MSH3: variants seen among roughly 807,000 people sequenced by gnomAD.
MSH3 encodes the protein mutS homolog 3.
MSH3 carries 106 observed loss-of-function variants against 123.3 expected under a neutral mutation model. The ratio of observed to expected loss-of-function variants is 0.86; its 90% CI spans 0.73 to 1.01. The LOEUF (loss-of-function observed/expected upper bound fraction) is 1.01. Among genes scored for constraint, MSH3 ranks in the 50% least tolerant of loss-of-function variants. MSH3 has a pLI of 0.00. For synonymous variants in MSH3, 515 were observed against 481.4 expected (o/e 1.07, Z -0.91); for missense variants, 1,459 against 1,347.6 (o/e 1.08, Z -1.29).
intron 7 of MSH3, among the ~76,000 whole-genome samples, chr5:80,675,705 GC>G (rs1437686799): frequency 6.6e-6 from 1 of 152,148 alleles, no homozygotes; most frequent in Admixed American, 6.5e-5. Flanking sequence ...AATACTCTAT[GC>G]TATGGAGAGA....
chr5:80,858,130 G>A (rs1326638208), intron 21 of MSH3, among the ~76,000 whole-genome samples: 2 of 151,734 alleles, frequency 1.3e-5, no homozygotes, highest in Non-Finnish European at 2.9e-5. Flanking sequence ...CTGCAACCTC[G>A]ACTCCCTGGG....
chr5:80,756,545 A>G (rs528074634), intron 12 of MSH3, among the ~76,000 whole-genome samples: 2 of 152,238 alleles, frequency 1.3e-5, no homozygotes, highest in Middle Eastern at 3.4e-3. Context: ...CTTTTACTCA[A>G]TAGCTACCCC....
At chr5:80,873,600 T>C (rs539125423) in intron 23 of MSH3, among the ~76,000 whole-genome samples, 2 of 152,332 alleles carry the variant, frequency 1.3e-5, no homozygotes, top group East Asian at 1.9e-4. Flanking sequence ...ACTGAAGATA[T>C]TGAGAACCTA....
intron 10 of MSH3, among the ~76,000 whole-genome samples, chr5:80,739,246 T>C (rs112594564): frequency 5.7e-4 from 86 of 152,182 alleles, no homozygotes; most frequent in Non-Finnish European, 1.1e-3. Context: ...AGATACCAAC[T>C]CAGAGCCCAG....
intron 8 of MSH3, among the ~76,000 whole-genome samples, chr5:80,719,615 A>G (rs1751039536): frequency 6.6e-6 from 1 of 152,172 alleles, no homozygotes; most frequent in African/African-American, 2.4e-5. Flanking sequence ...TGTTATTAAA[A>G]TTATATATTA....
Position 80,654,774 on chromosome 5 carries a change from C to G in MSH3, c.47C>G (p.Ser16Ter), listed in dbSNP as rs944680882. 3.7e-6 allele frequency: 6 copies of G among 1,606,794 alleles called. No individual in the cohort carries two copies. The highest frequency in any genetic ancestry group is 3.4e-6 in the Non-Finnish European group (4 of 1,177,392). ...PASGGLAASS[S>*]APARQAVLSR... ...TCGGGCGGCCTCGCTGCCTCCAGCT[C>G]AGCCCCTGCGAGGCAAGCGGTTTTG... Residue 16 changes from serine (S) to a stop codon, truncating the protein, a stop_gained, in exon 1 of 24, where the codon TCA becomes TGA. Coordinates refer to ENST00000265081, the MANE Select transcript of MSH3 (RefSeq NM_002439.5). LOFTEE classifies it high-confidence loss of function.
chr5:80,769,049 G>A, intron 15 of MSH3, 46 bp downstream of exon 15: 1 of 1,525,002 alleles, frequency 6.6e-7, no homozygotes, highest in Non-Finnish European at 9.1e-7. Flanking sequence ...TACTCTAGTA[G>A]AAAAGCTATT....
At chr5:80,810,480 T>C (rs972338865) in intron 19 of MSH3, among the ~76,000 whole-genome samples, 3 of 152,164 alleles carry the variant, frequency 2.0e-5, no homozygotes, top group African/African-American at 7.2e-5. Context: ...TAGACCAATA[T>C]ACACAATCTT....
chr5:80,667,028 C>T (rs1407270873), intron 3 of MSH3, among the ~76,000 whole-genome samples: 1 of 151,926 alleles, frequency 6.6e-6, no homozygotes, highest in African/African-American at 2.4e-5. Flanking sequence ...TACAACAAAC[C>T]CTCATGACAC....
intron 8 of MSH3, among the ~76,000 whole-genome samples, chr5:80,690,357 G>T (rs1318346448): frequency 2.0e-5 from 3 of 152,040 alleles, no homozygotes; most frequent in Middle Eastern, 6.3e-3. Flanking sequence ...ACCCAGACTG[G>T]AGTGCAGTGG....
intron 10 of MSH3, among the ~76,000 whole-genome samples, chr5:80,729,430 A>AATGTGTGTG (rs1491210653): frequency 2.3e-3 from 180 of 78,308 alleles, no homozygotes; most frequent in Non-Finnish European, 3.3e-3. Flanking sequence ...AAAAAAAAAA[A>AATGTGTGTG]TGTGTGTGTG....
chr5:80,679,573 C>T (rs553119498), intron 8 of MSH3, among the ~76,000 whole-genome samples: 14 of 152,288 alleles, frequency 9.2e-5, no homozygotes, highest in African/African-American at 2.9e-4. Context: ...TTTGGAGATG[C>T]TTTGTCTGTG....
intron 20 of MSH3, among the ~76,000 whole-genome samples, chr5:80,829,896 A>C (rs2112077046): frequency 6.6e-6 from 1 of 152,262 alleles, no homozygotes. Flanking sequence ...ATACTTATTG[A>C]TTCAATTTCT....
intron 2 of MSH3, among the ~76,000 whole-genome samples, chr5:80,657,990 A>G (rs1179723919): frequency 2.7e-5 from 4 of 146,404 alleles, no homozygotes; most frequent in Non-Finnish European, 4.5e-5. Context: ...TTTATTCTAG[A>G]GGCTTTTTGT....
At chr5:80,756,653 T>C (rs1393625989) in intron 12 of MSH3, among the ~76,000 whole-genome samples, 1 of 152,208 alleles carries the variant, frequency 6.6e-6, no homozygotes, top group Non-Finnish European at 1.5e-5. Context: ...TATAATCTTA[T>C]TACATTGTTA....
intron 10 of MSH3, among the ~76,000 whole-genome samples, chr5:80,729,186 C>T (rs1017968373): frequency 7.2e-5 from 11 of 151,868 alleles, no homozygotes; most frequent in Admixed American, 1.3e-4. Context: ...GAGGCCGAGG[C>T]GGGCAGATCA....
At chr5:80,750,078 A>AGTGTGCGTGTGTGTGT (rs138305039) in intron 12 of MSH3, among the ~76,000 whole-genome samples, 2 of 134,260 alleles carry the variant, frequency 1.5e-5, no homozygotes, top group African/African-American at 3.0e-5. Context: ...AGTATTCCAG[A>AGTGTGCGTGTGTGTGT]GTGTGTGTGT....
chr5:80,672,802 C>A lies in MSH3; in HGVS notation c.971C>A (p.Ser324Ter). Residue 324 changes from serine (S) to a stop codon, truncating the protein, a stop_gained, in exon 6 of 24, where the codon TCA becomes TAA. Coordinates refer to ENST00000265081, the MANE Select transcript of MSH3 (RefSeq NM_002439.5). LOFTEE classifies it high-confidence loss of function. ...ALKAIGDNRS[S>*]LFSRKLTALY... Reference sequence around the variant, plus strand: ...AAGGCCATTGGAGACAACAGAAGTTCACTCTTTTCCCGGAAATTGACTGCC... The same window carrying A: ...AAGGCCATTGGAGACAACAGAAGTTAACTCTTTTCCCGGAAATTGACTGCC... The A allele has an allele frequency of 6.2e-7, 1 of 1,614,100 alleles. No homozygotes were observed. The highest frequency in any genetic ancestry group is 1.1e-5 in the South Asian group (1 of 91,062).
At chr5:80,826,797 C>G (rs1026967228) in intron 20 of MSH3, among the ~76,000 whole-genome samples, 2 of 151,772 alleles carry the variant, frequency 1.3e-5, no homozygotes, top group African/African-American at 4.8e-5. Context: ...AATCCACCTG[C>G]CTCGGCCTCC....
Sources: gnomAD v4.1 joint callset for allele counts (sites outside exome capture counted in the v4.1 genomes callset) on GRCh38, gnomAD v4.1.1 for gene constraint, MANE v1.5 for transcripts, NCBI Gene and HGNC (gene_info 2026-07-23, HGNC 2026-07-21) for gene names.